AFAP1: variants seen among roughly 807,000 people sequenced by gnomAD.
The protein encoded by AFAP1 is actin filament-associated protein 1.
In AFAP1, 75 loss-of-function variants were observed where a neutral mutation model predicts 93.9. The observed-to-expected ratio is 0.80, with a 90% CI of 0.66 to 0.97. AFAP1 has a LOEUF of 0.97. Ranked by LOEUF, AFAP1 falls within the 50% of genes least tolerant of loss-of-function variation. The probability of loss-of-function intolerance (pLI) is 0.00; values close to 1 mark genes in which losing one functional copy is unlikely to be tolerated. For synonymous variants in AFAP1, 517 were observed against 430.7 expected (o/e 1.20, Z -2.48); for missense variants, 1,201 against 1,050.8 (o/e 1.14, Z -1.98).
chr4:7,835,748 GCGGGCTGCCTTAAGGTTACCTGGGTGGC>G, intron 6 of AFAP1, among the ~76,000 whole-genome samples: 2 of 95,576 alleles, frequency 2.1e-5, no homozygotes, highest in Admixed American at 1.0e-4. Context: ...TGAATGGACT[GCGGGCTGCCTTAAGGTTACCTGGGTGGC>G]TCTTGAATGG....
At chr4:7,769,062 T>A (rs142954070) in intron 16 of AFAP1, 54 bp from the exon 17 acceptor site, 432 of 1,506,224 alleles carry the variant, frequency 2.9e-4, no homozygotes, top group Admixed American at 4.6e-4. Flanking sequence ...CCACTGGTAT[T>A]CTCCAGCAGG....
At chr4:7,781,352 A>T (rs771398327) in intron 13 of AFAP1, 24 bp downstream of exon 13, 20 of 1,549,776 alleles carry the variant, frequency 1.3e-5, no homozygotes, top group Non-Finnish European at 1.7e-5. Context: ...TGGTTCTAGA[A>T]TCTTACAGAA....
chr4:7,765,229 G>A (rs953854451), intron 17 of AFAP1, among the ~76,000 whole-genome samples: 6 of 152,074 alleles, frequency 3.9e-5, no homozygotes, highest in African/African-American at 1.4e-4. Context: ...CTGCCCTGCT[G>A]CCTCCCAACA....
At chr4:7,875,910 A>G (rs1717473597) in intron 1 of AFAP1, among the ~76,000 whole-genome samples, 1 of 152,162 alleles carries the variant, frequency 6.6e-6, no homozygotes, top group Non-Finnish European at 1.5e-5. Context: ...AACAGTGGTT[A>G]CTAGGGGCTA....
intron 17 of AFAP1, among the ~76,000 whole-genome samples, chr4:7,764,917 G>C (rs548480321): frequency 6.6e-6 from 1 of 152,186 alleles, no homozygotes; most frequent in Non-Finnish European, 1.5e-5. Flanking sequence ...ACCAGCCTGA[G>C]CAACTTAGGG....
At chr4:7,776,304 C>A (rs55752670) in intron 14 of AFAP1, 16,468 of 152,174 alleles carry the variant, frequency 0.11, 1,337 homozygotes, top group East Asian at 0.48. Flanking sequence ...CTCCCTTGCT[C>A]CATGACTCTG....
intron 1 of AFAP1, among the ~76,000 whole-genome samples, chr4:7,917,012 T>C (rs541078940): frequency 1.4e-4 from 21 of 152,290 alleles, no homozygotes; most frequent in Middle Eastern, 3.4e-3. Context: ...TCTCTCTCTC[T>C]CTCTCAGGAA....
chr4:7,779,696 G>A (rs1291673823), intron 13 of AFAP1, among the ~76,000 whole-genome samples: 1 of 152,136 alleles, frequency 6.6e-6, no homozygotes, highest in East Asian at 1.9e-4. Context: ...GAGAAGTTGA[G>A]CAAGTTATTT....
chr4:7,913,148 G>C (rs763362510), intron 1 of AFAP1, among the ~76,000 whole-genome samples: 9 of 152,166 alleles, frequency 5.9e-5, no homozygotes, highest in Non-Finnish European at 1.3e-4. Flanking sequence ...CAGCACTGTG[G>C]GAAGATGAAG....
Position 7,807,278 on chromosome 4 carries a change from T to C in AFAP1, c.1054+2336A>G, listed in dbSNP as rs547542076. On this transcript the variant is annotated intron_variant, in intron 9 of 17. Coordinates refer to ENST00000420658, the MANE Select transcript of AFAP1 (RefSeq NM_001134647.2). ...TTCTGTTTTTAATCCATAACTCCTG[T>C]ATTGAATCCCTAATTCCCGCTTTCT... 1.4e-4 allele frequency among the ~76,000 whole-genome samples: 22 copies of C among 152,352 alleles called. No homozygotes were observed. In the East Asian group the frequency reaches 3.9e-3, roughly 27 times the overall value.
chr4:7,775,955 G>C (rs1469083361), intron 14 of AFAP1: 1 of 152,180 alleles, frequency 6.6e-6, no homozygotes, highest in Admixed American at 6.5e-5. Flanking sequence ...AGTGAAAACA[G>C]CTTTCAAAAC....
chr4:7,778,329 A>C (rs918452231), intron 14 of AFAP1: 7 of 257,760 alleles, frequency 2.7e-5, no homozygotes, highest in Non-Finnish European at 5.3e-5. Context: ...TCCGTGTATT[A>C]CCTCAGCTAT....
intron 17 of AFAP1, among the ~76,000 whole-genome samples, chr4:7,768,296 A>C (rs897668788): frequency 6.6e-6 from 1 of 152,250 alleles, no homozygotes; most frequent in Non-Finnish European, 1.5e-5. Context: ...CTGAGGTTTC[A>C]AAGGTTAGCA....
At chr4:7,811,042 C>T (rs1719980263) in intron 8 of AFAP1, among the ~76,000 whole-genome samples, 1 of 152,212 alleles carries the variant, frequency 6.6e-6, no homozygotes, top group Non-Finnish European at 1.5e-5. Flanking sequence ...AGAGAGCGAC[C>T]CTCGGAGAAG....
intron 1 of AFAP1, among the ~76,000 whole-genome samples, chr4:7,935,173 A>G (rs1474303177): frequency 6.6e-6 from 1 of 152,204 alleles, no homozygotes; most frequent in Non-Finnish European, 1.5e-5. Context: ...AGGTAATACA[A>G]TATTTTATTT....
intron 2 of AFAP1, among the ~76,000 whole-genome samples, chr4:7,869,044 A>AG (rs1299162863): frequency 6.6e-6 from 1 of 151,738 alleles, no homozygotes; most frequent in Non-Finnish European, 1.5e-5. Context: ...GAAAGAAAAG[A>AG]AAAGAGAAAG....
At chr4:7,809,548 C>A in intron 9 of AFAP1, 66 bp downstream of exon 9, 1 of 1,546,162 alleles carries the variant, frequency 6.5e-7, no homozygotes, top group Non-Finnish European at 8.7e-7. Context: ...GGTACCGACA[C>A]CACTGCAGGA....
At chr4:7,914,214 C>T (rs865793333) in intron 1 of AFAP1, among the ~76,000 whole-genome samples, 1 of 152,128 alleles carries the variant, frequency 6.6e-6, no homozygotes, top group Non-Finnish European at 1.5e-5. Context: ...ACCACCACGC[C>T]CAGCTAATTT....
chr4:7,786,063 G>T, intron 12 of AFAP1, 131 bp downstream of exon 12: 1 of 734,060 alleles, frequency 1.4e-6, no homozygotes, highest in Non-Finnish European at 2.3e-6. Context: ...AGATGAGATG[G>T]AGTCTCCTTG....
Sources: allele counts gnomAD v4.1 joint callset (sites outside exome capture counted in the v4.1 genomes callset), GRCh38; gene constraint gnomAD v4.1.1; transcripts MANE v1.5; gene names NCBI Gene and HGNC (gene_info 2026-07-23, HGNC 2026-07-21).